The following FAM110A variants were observed in gnomAD, a reference collection of about 807,000 sequenced individuals.
FAM110A encodes protein FAM110A.
In FAM110A, 1 loss-of-function variant was observed where a neutral mutation model predicts 4.0. The observed-to-expected ratio is 0.25, with a 90% CI of 0.09 to 1.20. FAM110A has a LOEUF of 1.20. Among genes scored for constraint, FAM110A ranks in the 50% most tolerant of loss-of-function variants. The probability of loss-of-function intolerance (pLI) is 0.50; values close to 1 mark genes in which losing one functional copy is unlikely to be tolerated. For synonymous variants in FAM110A, 217 were observed against 196.8 expected, an observed-to-expected ratio of 1.10 and a Z score of -0.86; for missense variants, 436 against 429.2, an observed-to-expected ratio of 1.02 and a Z score of -0.14.
Position 845,699 on chromosome 20 carries a change from C to G in FAM110A, c.*7C>G. 3 of 1,613,886 alleles carry G rather than the reference C, an allele frequency of 1.9e-6. No individual in the cohort carries two copies. The South Asian group carries it at 3.3e-5, about 18-fold the overall frequency. ...CCCAGCAGCTGAAGGCTAGGCGCCA[C>G]TGGGCCTGGAATTCGCCACAGGACG... On this transcript the variant is annotated 3_prime_UTR_variant, in exon 2 of 2. Coordinates refer to ENST00000381941, the MANE Select transcript of FAM110A (RefSeq NM_001042353.3).
chr20:836,717 C>T (rs980206555), intron 1 of FAM110A, among the ~76,000 whole-genome samples: 2 of 152,192 alleles, frequency 1.3e-5, no homozygotes, highest in African/African-American at 2.4e-5. Context: ...TTTGGGTATA[C>T]ACTCAGAAGT....
rs1979473949 is a variant in FAM110A at position 834,527 on chromosome 20, T to G, written c.-98+576T>G. On this transcript the variant is annotated intron_variant, in intron 1 of 1. Transcript: ENST00000381941. This position sits in a 1 kb window ranked among gnomAD's most constrained non-coding sequence, Gnocchi z 5.6. Reference sequence around the variant, plus strand: ...GAGCCAGTCCCTAAACCAAAGCCACTAGTCACCAGAGACTTTGGAATTGGG... The same window carrying G: ...GAGCCAGTCCCTAAACCAAAGCCACGAGTCACCAGAGACTTTGGAATTGGG... Among the ~76,000 whole-genome samples, 1 of 152,160 alleles carries G rather than the reference T, an allele frequency of 6.6e-6. No homozygotes were observed. Among genetic ancestry groups the G allele is most frequent in the South Asian group, 2.1e-4 (1 of 4,834 alleles).
chr20:845,132 C>A lies in FAM110A; in HGVS notation c.328C>A (p.Leu110Ile). 1 of 1,584,950 alleles carries A rather than the reference C, an allele frequency of 6.3e-7. No homozygotes were observed. The highest frequency in any genetic ancestry group is 8.6e-7 in the Non-Finnish European group (1 of 1,167,078). The change falls in exon 2 of 2, where the codon CTC becomes ATC. Residue 110 changes from leucine to isoleucine, a missense_variant. Coordinates refer to ENST00000381941, the MANE Select transcript of FAM110A (RefSeq NM_001042353.3). Reference sequence around the variant, plus strand: ...GCTGGACCTGGACATCCTCAGCAGCCTCATCGACTTGTGTGACAGCCCCGT... The same window carrying A: ...GCTGGACCTGGACATCCTCAGCAGCATCATCGACTTGTGTGACAGCCCCGT... ...PQLDLDILSS[L>I]IDLCDSPVSP...
Position 845,671 on chromosome 20 carries a change from G to A in FAM110A, c.867G>A (p.Glu289=), listed in dbSNP as rs1399277780. ...KWLYGLRQAR[E]SPAAEG is the part of the protein sequence containing the mutation. ...TGTATGGGCTAAGGCAGGCTCGGGA[G>A]AGCCCAGCAGCTGAAGGCTAGGCGC... Residue 289 remains glutamate, a synonymous_variant, in exon 2 of 2, where the codon GAG becomes GAA. Transcript: ENST00000381941. The A allele has an allele frequency of 2.5e-6, 4 of 1,614,096 alleles. No homozygotes were observed. The highest frequency in any genetic ancestry group is 1.6e-4 in the Middle Eastern group (1 of 6,062).
chr20:833,903 T>A lies in FAM110A; in HGVS notation c.-146T>A, dbSNP rs968063952. On this transcript the variant is annotated 5_prime_UTR_variant, in exon 1 of 2. Transcript: ENST00000381941. This position sits in a 1 kb window ranked among gnomAD's most constrained non-coding sequence, Gnocchi z 4.1. ...GGCCCGGGTCCGAGCTGTCAGCCTC[T>A]CCAAAGCCTGCGCGAGAGGAGCCGG... 6.6e-6 allele frequency: 1 copy of A among 152,094 alleles called. No homozygotes were observed. Among genetic ancestry groups the A allele is most frequent in the Non-Finnish European group, 1.5e-5 (1 of 68,050 alleles). 9.4% of individuals were successfully genotyped at this position (152,094 alleles called of 1,614,324 possible). A position where few individuals can be genotyped will look rare whatever the true frequency, so the allele number is the denominator to read the frequency against.
rs1461663012 is a variant in FAM110A, at chr20:844,895, G to A, written c.91G>A (p.Gly31Arg). The A allele has an allele frequency of 6.4e-7, 1 of 1,556,512 alleles. No individual in the cohort carries two copies. Residue 31 changes from glycine (G) to arginine (R), a missense_variant, in exon 2 of 2, where the codon GGG becomes AGG. Transcript: ENST00000381941. The stretch of plus-strand genomic sequence containing the variant: ...CAGGGTCCCTGGCTACCTGCTACGG[G>A]GGCCGGCAGATGGTGGAGCCCGGAA... ...RTRVPGYLLR[G>R]PADGGARKPS...
At chr20:836,973 T>G (rs1158500282) in intron 1 of FAM110A, among the ~76,000 whole-genome samples, 3 of 152,068 alleles carry the variant, frequency 2.0e-5, no homozygotes, top group Admixed American at 1.3e-4. Context: ...CTAATGGTGT[T>G]GAGCATCTTT....
chr20:841,826 G>A (rs1340382268), intron 1 of FAM110A, among the ~76,000 whole-genome samples: 2 of 152,216 alleles, frequency 1.3e-5, no homozygotes, highest in Non-Finnish European at 2.9e-5. Flanking sequence ...CCTGGCGGGA[G>A]CCGCTGCACC....
Position 845,736 on chromosome 20 carries a change from G to A in FAM110A, c.*44G>A. On this transcript the variant is annotated 3_prime_UTR_variant, in exon 2 of 2. Coordinates refer to ENST00000381941, the MANE Select transcript of FAM110A (RefSeq NM_001042353.3). Reference sequence around the variant, plus strand: ...TTCGCCACAGGACGGATCTTACAGAGGCAAGTGGTCCCTGGACCTCTCTTG... The same window carrying A: ...TTCGCCACAGGACGGATCTTACAGAAGCAAGTGGTCCCTGGACCTCTCTTG... The A allele has an allele frequency of 6.2e-7, 1 of 1,611,254 alleles. No homozygotes were observed. The highest frequency in any genetic ancestry group is 1.1e-5 in the South Asian group (1 of 90,696).
rs919696588 is a variant in FAM110A, at chr20:840,155, T to G, written c.-97-4553T>G. On this transcript the variant is annotated intron_variant, in intron 1 of 1. Transcript: ENST00000381941. The surrounding 1 kb of genome is among the most constrained non-coding windows in gnomAD (Gnocchi z 4.4). Reference sequence around the variant, plus strand: ...GGCTAGGCAGGGCTCAGCAGGCCATTTGGAGGATGAAGGACTTGTTGCCCC... The same window carrying G: ...GGCTAGGCAGGGCTCAGCAGGCCATGTGGAGGATGAAGGACTTGTTGCCCC... 2.6e-5 allele frequency among the ~76,000 whole-genome samples: 4 copies of G among 152,162 alleles called. No individual in the cohort carries two copies. The highest frequency in any genetic ancestry group is 1.3e-4 in the Admixed American group (2 of 15,278).
At position 845,248 on chromosome 20, in the gene FAM110A, C is replaced by T. The variant is rs1445410155; in HGVS notation, c.444C>T (p.Thr148=). Residue 148 remains threonine, a synonymous_variant, in exon 2 of 2, where the codon ACC becomes ACT. Coordinates refer to ENST00000381941, the MANE Select transcript of FAM110A (RefSeq NM_001042353.3). The part of the protein sequence containing the change: ...PATPPRPPPS[T]SAVRRVDVRP... ...CCCCTCCGCGACCGCCGCCCAGTACCTCTGCGGTCCGCCGGGTGGACGTCC... is the reference window on the plus strand; with the variant it reads ...CCCCTCCGCGACCGCCGCCCAGTACTTCTGCGGTCCGCCGGGTGGACGTCC... 1 of 1,504,292 alleles carries T rather than the reference C, an allele frequency of 6.6e-7. No homozygotes were observed. The highest frequency in any genetic ancestry group is 8.9e-7 in the Non-Finnish European group (1 of 1,129,696). The allele number at this position is 1,504,292 out of a possible 1,614,324, so 93.2% of individuals were successfully genotyped here.
chr20:845,770 C>T lies in FAM110A; in HGVS notation c.*78C>T. On this transcript the variant is annotated 3_prime_UTR_variant, in exon 2 of 2. Coordinates refer to ENST00000381941, the MANE Select transcript of FAM110A (RefSeq NM_001042353.3). ...TCCCTGGACCTCTCTTGCATCCATTCTCTAGACGGCCGTGTCAGAGGCTCC... is the reference window on the plus strand; with the variant it reads ...TCCCTGGACCTCTCTTGCATCCATTTTCTAGACGGCCGTGTCAGAGGCTCC... 1.3e-6 allele frequency: 2 copies of T among 1,572,128 alleles called. No homozygotes were observed. The highest frequency in any genetic ancestry group is 1.7e-6 in the Non-Finnish European group (2 of 1,159,576).
At chr20:839,799 T>A in intron 1 of FAM110A, 1 of 1,565,190 alleles carries the variant, frequency 6.4e-7, no homozygotes, top group Non-Finnish European at 8.8e-7. Flanking sequence ...GGCAAACTGT[T>A]CCTTCACGCA....
At chr20:835,200 C>CTCTCTCTCTCTCTA (rs757995617) in intron 1 of FAM110A, among the ~76,000 whole-genome samples, 1 of 140,492 alleles carries the variant, frequency 7.1e-6, no homozygotes, top group Non-Finnish European at 1.5e-5. Flanking sequence ...CTCTCTCTCT[C>CTCTCTCTCTCTCTA]TATATATATA....
chr20:845,096 C>G lies in FAM110A; in HGVS notation c.292C>G (p.Arg98Gly), dbSNP rs1980215137. 1 of 1,596,486 alleles carries G rather than the reference C, an allele frequency of 6.3e-7. No individual in the cohort carries two copies. The highest frequency in any genetic ancestry group is 2.3e-5 in the East Asian group (1 of 44,162). Reference sequence around the variant, plus strand: ...CCGCCGAGCCCTGCCTGGCCCCTGCCGACGGCCCCAGCTGGACCTGGACAT... The same window carrying G: ...CCGCCGAGCCCTGCCTGGCCCCTGCGGACGGCCCCAGCTGGACCTGGACAT... ...PSRRALPGPC[R>G]RPQLDLDILS... Residue 98 changes from arginine to glycine, a missense_variant, in exon 2 of 2, where the codon CGA becomes GGA. Physicochemically the swap from Arg to Gly is moderately radical, Grantham distance 125. Coordinates refer to ENST00000381941, the MANE Select transcript of FAM110A (RefSeq NM_001042353.3).
intron 1 of FAM110A, 42 bp from the exon 2 acceptor site, chr20:844,666 C>G (rs1418910520): frequency 3.9e-6 from 5 of 1,289,660 alleles, no homozygotes; most frequent in East Asian, 3.0e-5. Context: ...TTTGTCTGAG[C>G]GCGCTCGGCT....
chr20:841,876 C>T (rs776864286), intron 1 of FAM110A, among the ~76,000 whole-genome samples: 31 of 152,246 alleles, frequency 2.0e-4, no homozygotes, highest in Non-Finnish European at 3.7e-4. Context: ...TTGAGGTCAG[C>T]TCACCGATCA....
Position 845,408 on chromosome 20 carries a change from C to G in FAM110A, c.604C>G (p.Leu202Val), listed in dbSNP as rs768910329. 6.8e-6 allele frequency: 11 copies of G among 1,613,792 alleles called. No homozygotes were observed. The South Asian group carries it at 1.2e-4, about 18-fold the overall frequency. Residue 202 changes from leucine to valine, a missense_variant, in exon 2 of 2, where the codon CTC becomes GTC. Physicochemically the swap from Leu to Val is conservative, Grantham distance 32. Transcript: ENST00000381941. ...GCGCTTTTCTAGGGCAGCCGCTGAT[C>G]TCGAGCGCTTTTTTAACTTCTGCGG... ...SERFSRAAAD[L>V]ERFFNFCGLD...
At chr20:839,568 G>T in intron 1 of FAM110A, 1 of 1,000,170 alleles carries the variant, frequency 1.0e-6, no homozygotes, top group South Asian at 1.3e-5. Flanking sequence ...CCGTCTGTAG[G>T]TATCTCTGTC....
Sources: gnomAD v4.1 joint callset for allele counts (sites outside exome capture counted in the v4.1 genomes callset) on GRCh38, gnomAD v4.1.1 for gene constraint, Gnocchi (gnomAD v3.1) non-coding constraint, MANE v1.5 for transcripts, NCBI Gene and HGNC (gene_info 2026-07-23, HGNC 2026-07-21) for gene names.